BTBD9: variants seen among roughly 807,000 people sequenced by gnomAD.
The protein encoded by BTBD9 is BTB/POZ domain-containing protein 9.
In BTBD9, 49 loss-of-function variants were observed where a neutral mutation model predicts 64.3. The observed-to-expected ratio is 0.76, with a 90% CI of 0.61 to 0.97. BTBD9 has a LOEUF of 0.97. Among genes scored for constraint, BTBD9 ranks in the 50% least tolerant of loss-of-function variants. The pLI is 0.00. For missense variants in BTBD9, 598 were observed against 762.1 expected, an observed-to-expected ratio of 0.78 and a Z score of 2.53; for synonymous variants, 260 against 274.7, an observed-to-expected ratio of 0.95 and a Z score of 0.53.
At position 38,168,604 on chromosome 6, in the gene BTBD9, T is replaced by A. The variant is rs1441309689; in HGVS notation, c.*6381A>T. 1 of 152,240 alleles carries A rather than the reference T, an allele frequency of 6.6e-6. No individual in the cohort carries two copies. The highest frequency in any genetic ancestry group is 1.5e-5 in the Non-Finnish European group (1 of 68,048). The allele number at this position is 152,240 out of a possible 1,614,324, so 9.4% of individuals were successfully genotyped here. On this transcript the variant is annotated 3_prime_UTR_variant, in exon 11 of 11. Coordinates refer to ENST00000481247, the MANE Select transcript of BTBD9 (RefSeq NM_001099272.2). Reference sequence around the variant, plus strand: ...GCATCGTGCTCACAAATAATACACATTCCACATAGCAGCACAGCCTTTTGG... The same window carrying A: ...GCATCGTGCTCACAAATAATACACAATCCACATAGCAGCACAGCCTTTTGG...
intron 6 of BTBD9, among the ~76,000 whole-genome samples, chr6:38,445,831 G>T (rs1203419634): frequency 6.6e-6 from 1 of 152,148 alleles, no homozygotes; most frequent in African/African-American, 2.4e-5. Flanking sequence ...AGATGAGTAT[G>T]GTGGGAAGGA....
rs143714813 is a variant in BTBD9, at chr6:38,512,516, C to G, written c.1154+65084G>C. ...AAGGAAAGGGTGGGAGCTTGCTGAC[C>G]GAGCTGAACTGAATTCTTCCACACC... On this transcript the variant is annotated intron_variant, in intron 6 of 10. Coordinates refer to ENST00000481247, the MANE Select transcript of BTBD9 (RefSeq NM_001099272.2). Among the ~76,000 whole-genome samples, 13 of 152,278 alleles carry G rather than the reference C, an allele frequency of 8.5e-5. No individual in the cohort carries two copies. In the East Asian group the frequency reaches 2.1e-3, roughly 25 times the overall value.
At chr6:38,585,295 A>G (rs926865961) in intron 4 of BTBD9, among the ~76,000 whole-genome samples, 1 of 152,180 alleles carries the variant, frequency 6.6e-6, no homozygotes, top group African/African-American at 2.4e-5. Flanking sequence ...ACAAAGCCAA[A>G]GAGTTTTATT....
At chr6:38,329,323 CTTTTT>C (rs201597571) in intron 7 of BTBD9, among the ~76,000 whole-genome samples, 2 of 132,708 alleles carry the variant, frequency 1.5e-5, no homozygotes, top group East Asian at 2.2e-4. Context: ...CCTTTTTTTC[CTTTTT>C]TTTTTTTTTT....
intron 10 of BTBD9, among the ~76,000 whole-genome samples, chr6:38,178,839 G>A (rs574764264): frequency 4.0e-4 from 61 of 150,696 alleles, no homozygotes; most frequent in Non-Finnish European, 7.4e-5. Flanking sequence ...CTTGGACAAA[G>A]GAGGCTATTT....
intron 6 of BTBD9, among the ~76,000 whole-genome samples, chr6:38,412,652 A>G (rs1313343133): frequency 6.6e-6 from 1 of 152,072 alleles, no homozygotes; most frequent in Non-Finnish European, 1.5e-5. Context: ...CGAGGTCAGG[A>G]GTTTGAGACC....
intron 6 of BTBD9, among the ~76,000 whole-genome samples, chr6:38,451,893 G>A (rs181809372): frequency 6.6e-6 from 1 of 152,218 alleles, no homozygotes; most frequent in Admixed American, 6.5e-5. Context: ...CTTGAGGAGA[G>A]AAGACTCTGA....
At chr6:38,618,678 G>T (rs1047961173) in intron 1 of BTBD9, among the ~76,000 whole-genome samples, 1 of 152,248 alleles carries the variant, frequency 6.6e-6, no homozygotes, top group Non-Finnish European at 1.5e-5. Context: ...ATTTAAAGCA[G>T]ATCAGGGTAG....
chr6:38,581,812 T>C (rs1776294899), intron 4 of BTBD9, among the ~76,000 whole-genome samples: 1 of 152,202 alleles, frequency 6.6e-6, no homozygotes, highest in Non-Finnish European at 1.5e-5. Context: ...AATGAGATGA[T>C]GTTTGTAAAG....
intron 7 of BTBD9, among the ~76,000 whole-genome samples, chr6:38,302,226 C>T (rs974624620): frequency 5.3e-5 from 8 of 151,814 alleles, no homozygotes; most frequent in Non-Finnish European, 8.8e-5. Context: ...AGAACTTATT[C>T]CTCCTCTCTA....
chr6:38,318,753 CT>C (rs1412937243), intron 7 of BTBD9, among the ~76,000 whole-genome samples: 7 of 152,216 alleles, frequency 4.6e-5, no homozygotes, highest in Non-Finnish European at 1.0e-4. Context: ...CCAAGGACCA[CT>C]GTAACCACTA....
intron 6 of BTBD9, among the ~76,000 whole-genome samples, chr6:38,455,017 G>C (rs1375934594): frequency 6.6e-6 from 1 of 151,902 alleles, no homozygotes; most frequent in Non-Finnish European, 1.5e-5. Context: ...ATTTTTGTTG[G>C]CCTTCCAGCA....
intron 6 of BTBD9, among the ~76,000 whole-genome samples, chr6:38,561,076 A>G (rs1351758575): frequency 6.6e-6 from 1 of 152,188 alleles, no homozygotes; most frequent in Admixed American, 6.5e-5. Context: ...AAAACAATTT[A>G]TAATCCGTTG....
intron 7 of BTBD9, among the ~76,000 whole-genome samples, chr6:38,337,396 G>A (rs902380465): frequency 3.3e-5 from 5 of 152,164 alleles, no homozygotes; most frequent in Non-Finnish European, 7.3e-5. Context: ...AGTAACCATA[G>A]ACAACCTATT....
intron 6 of BTBD9, among the ~76,000 whole-genome samples, chr6:38,491,186 T>C (rs1771685045): frequency 6.6e-6 from 1 of 152,212 alleles, no homozygotes; most frequent in Non-Finnish European, 1.5e-5. Context: ...CAAGACAGTT[T>C]GGCAGGTTTG....
chr6:38,477,364 A>C (rs150690695), intron 6 of BTBD9, among the ~76,000 whole-genome samples: 2 of 152,360 alleles, frequency 1.3e-5, no homozygotes, highest in Non-Finnish European at 2.9e-5. Flanking sequence ...TAACATCGAA[A>C]TACAATTGAA....
chr6:38,631,945 A>G (rs891378868), intron 1 of BTBD9, among the ~76,000 whole-genome samples: 2 of 152,230 alleles, frequency 1.3e-5, no homozygotes, highest in East Asian at 1.9e-4. Context: ...CCTGACCTAC[A>G]TGGAGAAACC....
chr6:38,381,943 A>C (rs193274740), intron 6 of BTBD9, among the ~76,000 whole-genome samples: 147 of 152,336 alleles, frequency 9.6e-4, no homozygotes, highest in African/African-American at 3.2e-3. Context: ...CAATTAATGA[A>C]AATAACAATT....
intron 9 of BTBD9, chr6:38,207,255 CTG>C (rs978343453): frequency 7.2e-5 from 16 of 222,298 alleles, no homozygotes; most frequent in African/African-American, 3.2e-4. Flanking sequence ...ACAGAAAAAT[CTG>C]TGTTAAAAGA....
Sources: gnomAD v4.1 joint callset for allele counts (sites outside exome capture counted in the v4.1 genomes callset) on GRCh38, gnomAD v4.1.1 for gene constraint, MANE v1.5 for transcripts, NCBI Gene and HGNC (gene_info 2026-07-23, HGNC 2026-07-21) for gene names.